Variants in UNC13C observed in about 807,000 individuals in gnomAD.
The protein encoded by UNC13C is unc-13 homolog C.
A neutral mutation model predicts 245.4 loss-of-function variants in UNC13C; 174 were observed. The ratio of observed to expected loss-of-function variants is 0.71; its 90% CI spans 0.63 to 0.80. UNC13C has a LOEUF of 0.80. Among genes scored for constraint, UNC13C ranks in the 30% least tolerant of loss-of-function variants. The pLI is 0.00. For missense variants in UNC13C, 2,829 were observed against 2,602.9 expected (o/e 1.09, Z -1.89); for synonymous variants, 992 against 895.1 (o/e 1.11, Z -1.93).
chr15:54,280,989 G>C (rs1019632670), intron 10 of UNC13C, among the ~76,000 whole-genome samples: 1 of 151,808 alleles, frequency 6.6e-6, no homozygotes, highest in African/African-American at 2.4e-5. Flanking sequence ...GTAGAGATGA[G>C]GATTTGCCAT....
At chr15:54,152,466 C>G (rs2032563219) in intron 4 of UNC13C, among the ~76,000 whole-genome samples, 1 of 152,096 alleles carries the variant, frequency 6.6e-6, no homozygotes, top group African/African-American at 2.4e-5. Context: ...ATCTTGACCC[C>G]TAAGTCTCTA....
intron 4 of UNC13C, among the ~76,000 whole-genome samples, chr15:54,160,675 TTA>T (rs1405375835): frequency 6.6e-6 from 1 of 152,182 alleles, no homozygotes; most frequent in Non-Finnish European, 1.5e-5. Flanking sequence ...AAAATGATTT[TTA>T]TATGCATAAG....
At chr15:54,592,156 G>C (rs2141256497) in intron 30 of UNC13C, among the ~76,000 whole-genome samples, 1 of 152,256 alleles carries the variant, frequency 6.6e-6, no homozygotes. Context: ...TGTGGTCTGA[G>C]AGTGCTTGAT....
chr15:53,869,468 A>G, the UNC13C span, among the ~76,000 whole-genome samples: 2 of 152,176 alleles, frequency 1.3e-5, no homozygotes, highest in African/African-American at 4.8e-5. Flanking sequence ...GGGCTTAATC[A>G]TTTTTCTTTC....
In UNC13C at chr15:54,169,286, C is replaced by G. The variant is rs538163550; in HGVS notation, c.3071+25602C>G. On this transcript the variant is annotated intron_variant, in intron 4 of 32. Coordinates refer to ENST00000260323, the MANE Select transcript of UNC13C (RefSeq NM_001080534.3). ...GATAGAAATGCATCTGATGGCTATA[C>G]GTTTACATTTCTCTTAGTCATTTTG... Among the ~76,000 whole-genome samples the G allele has an allele frequency of 6.6e-5, 10 of 152,272 alleles. No homozygotes were observed. In the Middle Eastern group the frequency reaches 0.01, roughly 155 times the overall value.
chr15:54,175,113 C>T (rs548968560), intron 4 of UNC13C, among the ~76,000 whole-genome samples: 2 of 152,220 alleles, frequency 1.3e-5, no homozygotes, highest in African/African-American at 2.4e-5. Flanking sequence ...TTCATGACTC[C>T]AACAGGGGCA....
Position 54,015,809 on chromosome 15 carries a change from G to C in UNC13C, c.2906G>C (p.Arg969Pro). 1 of 1,611,288 alleles carries C rather than the reference G, an allele frequency of 6.2e-7. No individual in the cohort carries two copies. The highest frequency in any genetic ancestry group is 8.5e-7 in the Non-Finnish European group (1 of 1,178,656). Residue 969 changes from arginine (R) to proline (P), a missense_variant, in exon 2 of 33, where the codon CGT becomes CCT. Physicochemically the swap from Arg to Pro is moderately radical, Grantham distance 103. Transcript: ENST00000260323. ...PVEITKPKRIRPSFKEAALRA... is the reference protein window; with the variant it reads ...PVEITKPKRIPPSFKEAALRA... Reference sequence around the variant, plus strand: ...GAGATCACAAAGCCAAAGAGAATTCGTCCTTCTTTCAAAGAAGCAGCTTTA... The same window carrying C: ...GAGATCACAAAGCCAAAGAGAATTCCTCCTTCTTTCAAAGAAGCAGCTTTA...
intron 24 of UNC13C, 44 bp downstream of exon 24, chr15:54,511,874 G>T: frequency 7.2e-7 from 1 of 1,380,554 alleles, no homozygotes; most frequent in Non-Finnish European, 1.0e-6. Context: ...CCTACTTAGA[G>T]ATTATTAGCA....
intron 1 of UNC13C, among the ~76,000 whole-genome samples, chr15:53,983,054 G>A (rs1893988426): frequency 6.6e-6 from 1 of 152,058 alleles, no homozygotes; most frequent in African/African-American, 2.4e-5. Context: ...CAGAAGTATT[G>A]GCTTAATTAT....
At chr15:54,015,983 T>A in intron 2 of UNC13C, 97 bp downstream of exon 2, 1 of 1,088,210 alleles carries the variant, frequency 9.2e-7, no homozygotes, top group Non-Finnish European at 1.3e-6. Context: ...GGTGAAAGAG[T>A]TTACTTGCAA....
Position 54,167,602 on chromosome 15 carries a change from G to GAA in UNC13C, c.3071+23939_3071+23940dup, listed in dbSNP as rs35210236. ...AGTGAAAGAATGAGTATCCAAATAGGAAAAAAAAAAAAAAAAAAAAAAGAA... is the reference window on the plus strand; with the variant it reads ...AGTGAAAGAATGAGTATCCAAATAGGAAAAAAAAAAAAAAAAAAAAAAAAGAA... On this transcript the variant is annotated intron_variant, in intron 4 of 32. Coordinates refer to ENST00000260323, the MANE Select transcript of UNC13C (RefSeq NM_001080534.3). Among the ~76,000 whole-genome samples, 227 of 63,550 alleles carry GAA rather than the reference G, an allele frequency of 3.6e-3. 4 individuals carry two copies. Among genetic ancestry groups the GAA allele is most frequent in the East Asian group, 5.0e-3 (9 of 1,810 alleles). The allele number at this position is 63,550 out of a possible 152,430, so 41.7% of individuals were successfully genotyped here.
intron 30 of UNC13C, among the ~76,000 whole-genome samples, chr15:54,575,681 C>A (rs372763300): frequency 7.5e-4 from 114 of 152,208 alleles, no homozygotes; most frequent in African/African-American, 2.5e-3. Flanking sequence ...TGGCCATTTT[C>A]AACTTAATAC....
At chr15:53,850,922 C>G in the UNC13C span, among the ~76,000 whole-genome samples, 1 of 151,314 alleles carries the variant, frequency 6.6e-6, no homozygotes, top group Non-Finnish European at 1.5e-5. Context: ...TATTACTATG[C>G]CTTCCAGTTT....
At chr15:54,468,252 T>G (rs1319543446) in intron 19 of UNC13C, among the ~76,000 whole-genome samples, 1 of 151,866 alleles carries the variant, frequency 6.6e-6, no homozygotes. Context: ...CTATATATTC[T>G]TGTGAGAAAT....
rs565424070 is a variant in UNC13C at position 54,072,423 on chromosome 15, G to A, written c.2983+56537G>A. Among the ~76,000 whole-genome samples the A allele has an allele frequency of 1.3e-3, 201 of 152,244 alleles. 4 individuals carry two copies. The South Asian group carries it at 0.038, about 28-fold the overall frequency. ...AGAATGCCCAGCAAAAGGCCTGGTA[G>A]CTGAGGCTGTCCTTTGCACTCTTTT... On this transcript the variant is annotated intron_variant, in intron 2 of 32. Transcript: ENST00000260323.
intron 11 of UNC13C, among the ~76,000 whole-genome samples, chr15:54,295,528 G>A (rs2037405216): frequency 6.6e-6 from 1 of 152,078 alleles, no homozygotes; most frequent in Non-Finnish European, 1.5e-5. Flanking sequence ...CCATGTGCCT[G>A]TAGTCCCAGC....
intron 2 of UNC13C, among the ~76,000 whole-genome samples, chr15:54,075,354 A>G (rs980852328): frequency 6.6e-6 from 1 of 151,818 alleles, no homozygotes; most frequent in Non-Finnish European, 1.5e-5. Flanking sequence ...GCCTGGCGGC[A>G]GGTGCCTGTA....
In UNC13C at chr15:54,227,496, C is replaced by T. The variant is rs113108113; in HGVS notation, c.3072-7534C>T. On this transcript the variant is annotated intron_variant, in intron 4 of 32. Coordinates refer to ENST00000260323, the MANE Select transcript of UNC13C (RefSeq NM_001080534.3). ...GCCCATGCTGAGCCACCTGCAGCAC[C>T]CCCTCCCTCCCTTCCTGAGCTCTTT... 4.5e-4 allele frequency among the ~76,000 whole-genome samples: 68 copies of T among 151,644 alleles called. 6 individuals are homozygous for T. Among genetic ancestry groups the T allele is most frequent in the African/African-American group, 1.6e-3 (65 of 40,928 alleles).
intron 2 of UNC13C, among the ~76,000 whole-genome samples, chr15:54,110,097 G>C (rs1478110518): frequency 1.3e-5 from 2 of 152,030 alleles, no homozygotes; most frequent in South Asian, 2.1e-4. Context: ...GGCCGATATA[G>C]TGGAACCCAG....
Sources: allele counts gnomAD v4.1 joint callset (sites outside exome capture counted in the v4.1 genomes callset), GRCh38; gene constraint gnomAD v4.1.1; transcripts MANE v1.5; gene names NCBI Gene and HGNC (gene_info 2026-07-23, HGNC 2026-07-21).